HDX: variants seen among roughly 807,000 people sequenced by gnomAD.
HDX encodes the protein highly divergent homeobox.
Under a neutral mutation model 45.2 loss-of-function variants are expected in HDX, and 19 were observed. The observed-to-expected ratio is 0.42, with a 90% CI of 0.29 to 0.62. HDX has a LOEUF of 0.62. Among genes scored for constraint, HDX ranks in the 20% least tolerant of loss-of-function variants. HDX has a pLI of 0.20. For missense variants in HDX, 532 were observed against 493.9 expected (o/e 1.08, Z -0.73); for synonymous variants, 188 against 172.8 (o/e 1.09, Z -0.69).
In HDX at chrX:84,333,786, T is replaced by C. The variant is rs775709054; in HGVS notation, c.1797A>G (p.Glu599=). 1.0e-6 allele frequency: 1 copy of C among 962,141 alleles called. No individual in the cohort carries two copies. The highest frequency in any genetic ancestry group is 3.1e-5 in the East Asian group (1 of 31,827). The allele number at this position is 962,141 out of a possible 1,213,427, so 79.3% of individuals were successfully genotyped here. A position where few individuals can be genotyped will look rare whatever the true frequency, so the allele number is the denominator to read the frequency against. The change falls in exon 9 of 11, where the codon GAA becomes GAG. Residue 599 remains glutamate (E), a synonymous_variant. Coordinates refer to ENST00000373177, the MANE Select transcript of HDX (RefSeq NM_001177479.2). ...ESDMISNSEV[E]QVNSFLDYKN... is the part of the protein sequence containing the mutation. ...TATAATCCAAGAAAGAGTTTACTTG[T>C]TCTACTTCAGAATTACTTATCATGT...
chrX:84,405,140 A>G (rs1432501509), intron 5 of HDX, among the ~76,000 whole-genome samples: 2 of 110,902 alleles, frequency 1.8e-5, no homozygotes, highest in Non-Finnish European at 3.8e-5. Flanking sequence ...TCAAACATCA[A>G]TCTATCTAAT....
rs201835127 is a variant in HDX, at chrX:84,481,652, A to AT, written c.1-6256dup. On this transcript the variant is annotated intron_variant, in intron 2 of 10. Transcript: ENST00000373177. ...TCTCACCTTTTTAAGTGCTTGGACAATTTTTTTTTAATTCTTAAATTTCAG... is the reference window on the plus strand; with the variant it reads ...TCTCACCTTTTTAAGTGCTTGGACAATTTTTTTTTTAATTCTTAAATTTCAG... 3.9e-3 allele frequency among the ~76,000 whole-genome samples: 433 copies of AT among 110,579 alleles called. 3 individuals carry two copies. The highest frequency in any genetic ancestry group is 0.012 in the African/African-American group (376 of 30,473).
chrX:84,450,329 G>C (rs988538087), intron 4 of HDX, among the ~76,000 whole-genome samples: 2 of 111,217 alleles, frequency 1.8e-5, no homozygotes, highest in African/African-American at 6.5e-5. Flanking sequence ...GGCACATATA[G>C]ACTGACAGTA....
At chrX:84,373,947 T>C (rs2037970498) in intron 5 of HDX, among the ~76,000 whole-genome samples, 1 of 92,305 alleles carries the variant, frequency 1.1e-5, no homozygotes, top group African/African-American at 4.3e-5. Flanking sequence ...GGTATTCAAT[T>C]AGGAAAAGAG....
chrX:84,367,489 T>A (rs768326332), intron 5 of HDX, among the ~76,000 whole-genome samples: 2 of 112,005 alleles, frequency 1.8e-5, no homozygotes, highest in East Asian at 5.6e-4. Flanking sequence ...GACCCAGCAA[T>A]CCCATTACTG....
chrX:84,455,253 G>A (rs1213668885), intron 4 of HDX, among the ~76,000 whole-genome samples: 3 of 111,844 alleles, frequency 2.7e-5, no homozygotes, highest in Non-Finnish European at 5.6e-5. Context: ...TGGACAGACA[G>A]AAATATGGGA....
Position 84,320,495 on chromosome X carries a change from T to G in HDX, c.*1394A>C, listed in dbSNP as rs1376885726. 1.8e-5 allele frequency: 2 copies of G among 110,984 alleles called. No homozygotes were observed. The highest frequency in any genetic ancestry group is 6.5e-5 in the African/African-American group (2 of 30,697). The allele number at this position is 110,984 out of a possible 1,213,427, so 9.1% of individuals were successfully genotyped here. A position where few individuals can be genotyped will look rare whatever the true frequency, so the allele number is the denominator to read the frequency against. On this transcript the variant is annotated 3_prime_UTR_variant, in exon 11 of 11. Transcript: ENST00000373177. ...TAAATTTCAAGATCAAATTTGGCTC[T>G]AATTACAAATTTTTAAAAATATCTG...
chrX:84,338,636 CT>C (rs912342167), intron 7 of HDX, among the ~76,000 whole-genome samples: 3 of 110,256 alleles, frequency 2.7e-5, no homozygotes, highest in African/African-American at 9.9e-5. Flanking sequence ...CTGGTAACCT[CT>C]TTTTTTTCTC....
chrX:84,385,394 T>C (rs921690892), intron 5 of HDX, among the ~76,000 whole-genome samples: 1 of 105,432 alleles, frequency 9.5e-6, no homozygotes, highest in African/African-American at 3.5e-5. Context: ...TTTGTATTTT[T>C]AGTAGAGACG....
At chrX:84,428,377 T>C (rs2039430203) in intron 5 of HDX, among the ~76,000 whole-genome samples, 1 of 111,199 alleles carries the variant, frequency 9.0e-6, no homozygotes, top group Non-Finnish European at 1.9e-5. Flanking sequence ...ATTAGAACAT[T>C]TTAATTTCCC....
intron 5 of HDX, among the ~76,000 whole-genome samples, chrX:84,409,330 C>G (rs751705627): frequency 9.0e-6 from 1 of 110,824 alleles, no homozygotes; most frequent in East Asian, 2.9e-4. Flanking sequence ...CCTCAGGGAT[C>G]GAGAACTAGA....
chrX:84,469,940 T>C, intron 3 of HDX, among the ~76,000 whole-genome samples: 1 of 112,063 alleles, frequency 8.9e-6, no homozygotes, highest in African/African-American at 3.2e-5. Context: ...TTATATGCAA[T>C]GATGTTCATC....
chrX:84,469,539 T>TA lies in HDX; in HGVS notation c.183dup (p.Lys62Ter). ...GTTGCTGTTCCAGATTCAGAGTTCTTACTACTCATCTTTCTTCTCTTATTG... is the reference window on the plus strand; with the variant it reads ...GTTGCTGTTCCAGATTCAGAGTTCTTAACTACTCATCTTTCTTCTCTTATTG... On this transcript the variant is annotated frameshift_variant, in exon 4 of 11. Transcript: ENST00000373177. LOFTEE classifies it high-confidence loss of function. 1 of 1,199,479 alleles carries TA rather than the reference T, an allele frequency of 8.3e-7. No homozygotes were observed. Among genetic ancestry groups the TA allele is most frequent in the Non-Finnish European group, 1.1e-6 (1 of 888,297 alleles).
intron 4 of HDX, among the ~76,000 whole-genome samples, chrX:84,457,950 C>T (rs896900798): frequency 7.2e-5 from 8 of 111,772 alleles, no homozygotes; most frequent in Admixed American, 4.7e-4. Flanking sequence ...TAAAATCATT[C>T]GAACATTTGT....
In HDX at chrX:84,439,271, GT is replaced by G. The variant is rs1343872599; in HGVS notation, c.1305+1260del. ...AGACTGATTTTTAGCTTGTTGATTT[GT>G]TTAAGTTCCTTGTAGATTCCGGCTG... is the stretch of plus-strand genomic sequence containing the variant. On this transcript the variant is annotated intron_variant, in intron 5 of 10. Transcript: ENST00000373177. 3.6e-5 allele frequency among the ~76,000 whole-genome samples: 4 copies of G among 110,887 alleles called. No individual in the cohort carries two copies. The East Asian group carries it at 1.1e-3, about 32-fold the overall frequency.
At chrX:84,387,184 A>G (rs748021281) in intron 5 of HDX, among the ~76,000 whole-genome samples, 1 of 112,286 alleles carries the variant, frequency 8.9e-6, no homozygotes, top group East Asian at 2.8e-4. Flanking sequence ...GTATTGCACT[A>G]CGGACTGAGA....
At chrX:84,486,737 T>C (rs12854397) in intron 2 of HDX, among the ~76,000 whole-genome samples, 5 of 110,769 alleles carry the variant, frequency 4.5e-5, no homozygotes, top group African/African-American at 1.6e-4. Flanking sequence ...CCTATGTATA[T>C]GCTGTTTTTC....
intron 5 of HDX, among the ~76,000 whole-genome samples, chrX:84,439,363 C>T (rs1214160790): frequency 2.8e-5 from 1 of 35,882 alleles, no homozygotes; most frequent in Non-Finnish European, 4.8e-5. Flanking sequence ...TCTTTTTATG[C>T]TGTTCATAAT....
chrX:84,357,225 A>T (rs1263815790), intron 6 of HDX, among the ~76,000 whole-genome samples: 2 of 111,799 alleles, frequency 1.8e-5, no homozygotes, highest in African/African-American at 3.2e-5. Context: ...TAACCAATTC[A>T]GTTGGAGCAG....
Sources: gnomAD v4.1 joint callset for allele counts (sites outside exome capture counted in the v4.1 genomes callset) on GRCh38, gnomAD v4.1.1 for gene constraint, MANE v1.5 for transcripts, NCBI Gene and HGNC (gene_info 2026-07-23, HGNC 2026-07-21) for gene names.